The following RFX3 variants were observed in gnomAD, a reference collection of about 807,000 sequenced individuals.
The protein encoded by RFX3 is regulatory factor X3, also known as transcription factor RFX3.
A neutral mutation model predicts 98.6 loss-of-function variants in RFX3; 14 were observed. That is an observed-to-expected ratio of 0.14 (90% CI 0.09 to 0.22). The LOEUF (loss-of-function observed/expected upper bound fraction) is 0.22. Among genes scored for constraint, RFX3 ranks in the 10% least tolerant of loss-of-function variants. RFX3 has a pLI of 1.00. For missense variants in RFX3, 639 were observed against 926.9 expected, an observed-to-expected ratio of 0.69 and a Z score of 4.03; for synonymous variants, 383 against 328.4, an observed-to-expected ratio of 1.17 and a Z score of -1.80.
chr9:3,335,112 C>G (rs1302121784), intron 3 of RFX3, among the ~76,000 whole-genome samples: 1 of 151,764 alleles, frequency 6.6e-6, no homozygotes, highest in African/African-American at 2.4e-5. Context: ...GAGCGAAACT[C>G]CATCTCAAAA....
chr9:3,486,217 G>T (rs1457714614), intron 1 of RFX3, among the ~76,000 whole-genome samples: 1 of 151,528 alleles, frequency 6.6e-6, no homozygotes, highest in Non-Finnish European at 1.5e-5. Context: ...TTTTTGTGGG[G>T]TATGACCTAC....
intron 4 of RFX3, among the ~76,000 whole-genome samples, chr9:3,307,975 A>C (rs1829526358): frequency 1.3e-5 from 2 of 152,198 alleles, no homozygotes; most frequent in Non-Finnish European, 2.9e-5. Flanking sequence ...TTTAAGATTA[A>C]AAAGTTCATT....
At chr9:3,437,836 T>C (rs76817186) in intron 1 of RFX3, among the ~76,000 whole-genome samples, 2,369 of 152,136 alleles carry the variant, frequency 0.016, 64 homozygotes, top group African/African-American at 0.053. Context: ...TCAGATGGCA[T>C]ATTAAATATA....
chr9:3,399,801 T>C (rs1841295847), intron 1 of RFX3, among the ~76,000 whole-genome samples: 2 of 150,862 alleles, frequency 1.3e-5, no homozygotes, highest in East Asian at 4.0e-4. Context: ...ATACAAAAAT[T>C]AGCCAGGCAT....
chr9:3,358,928 G>C (rs1014976995), intron 2 of RFX3, among the ~76,000 whole-genome samples: 1 of 151,968 alleles, frequency 6.6e-6, no homozygotes, highest in Non-Finnish European at 1.5e-5. Context: ...CATGGGAACA[G>C]CATGGGGGAA....
At chr9:3,503,945 T>C (rs916999855) in intron 1 of RFX3, among the ~76,000 whole-genome samples, 2 of 151,632 alleles carry the variant, frequency 1.3e-5, no homozygotes, top group African/African-American at 2.4e-5. Flanking sequence ...CCTATTATTG[T>C]AATTTTTACT....
At chr9:3,351,193 C>G (rs1390510779) in intron 2 of RFX3, among the ~76,000 whole-genome samples, 1 of 150,940 alleles carries the variant, frequency 6.6e-6, no homozygotes, top group African/African-American at 2.4e-5. Context: ...ATGTGTGAAG[C>G]GAGGGGTTTT....
At chr9:3,384,526 G>T (rs945197022) in intron 2 of RFX3, among the ~76,000 whole-genome samples, 13 of 152,148 alleles carry the variant, frequency 8.5e-5, no homozygotes, top group African/African-American at 2.4e-4. Context: ...CTACCTTGCA[G>T]GGTTGTTTTA....
chr9:3,465,370 A>C (rs1320549846), intron 1 of RFX3, among the ~76,000 whole-genome samples: 2 of 151,580 alleles, frequency 1.3e-5, no homozygotes, highest in Non-Finnish European at 2.9e-5. Flanking sequence ...AGCTCACCAC[A>C]ACCTCCACCT....
At chr9:3,467,222 G>A (rs1434492622) in intron 1 of RFX3, among the ~76,000 whole-genome samples, 4 of 141,730 alleles carry the variant, frequency 2.8e-5, no homozygotes, top group Non-Finnish European at 6.1e-5. Context: ...CATATATAAT[G>A]TATATATGTA....
intron 13 of RFX3, among the ~76,000 whole-genome samples, chr9:3,259,092 C>T (rs1822531260): frequency 6.6e-6 from 1 of 151,818 alleles, no homozygotes; most frequent in South Asian, 2.1e-4. Flanking sequence ...ATAACCAATC[C>T]CACATAGTTA....
At chr9:3,264,003 T>C (rs888725332) in intron 12 of RFX3, among the ~76,000 whole-genome samples, 3 of 151,394 alleles carry the variant, frequency 2.0e-5, no homozygotes, top group African/African-American at 7.3e-5. Context: ...CTCTCACCCC[T>C]TCATTCCTAG....
intron 1 of RFX3, among the ~76,000 whole-genome samples, chr9:3,488,378 C>T (rs1281367498): frequency 6.6e-6 from 1 of 152,102 alleles, no homozygotes; most frequent in Admixed American, 6.6e-5. Context: ...CGCTTTTCTG[C>T]AAATCCATAA....
chr9:3,402,536 GA>G (rs1284093943), intron 1 of RFX3, among the ~76,000 whole-genome samples: 1 of 151,970 alleles, frequency 6.6e-6, no homozygotes, highest in Non-Finnish European at 1.5e-5. Context: ...TTAGAAACCT[GA>G]TTCAACATAA....
chr9:3,372,638 C>T lies in RFX3; in HGVS notation c.117+22834G>A, dbSNP rs1837991333. Among the ~76,000 whole-genome samples, 4 of 151,534 alleles carry T rather than the reference C, an allele frequency of 2.6e-5. No homozygotes were observed. The South Asian group carries it at 6.3e-4, about 24-fold the overall frequency. On this transcript the variant is annotated intron_variant, in intron 2 of 16. Coordinates refer to ENST00000617270, the MANE Select transcript of RFX3 (RefSeq NM_001282116.2). ...TCTTGGCTCACTGCAACCTCTGCCC[C>T]CCAGGTTTGAGAGATTCTCCTGCCT...
intron 15 of RFX3, among the ~76,000 whole-genome samples, chr9:3,231,937 G>T (rs1295204745): frequency 2.0e-5 from 3 of 152,090 alleles, no homozygotes; most frequent in East Asian, 1.9e-4. Context: ...GGTGGCGGAG[G>T]CAGGAGAATC....
intron 1 of RFX3, among the ~76,000 whole-genome samples, chr9:3,516,850 G>A (rs1306692782): frequency 6.6e-6 from 1 of 152,134 alleles, no homozygotes; most frequent in African/African-American, 2.4e-5. Context: ...CACTTGTCTG[G>A]CACACACACA....
At chr9:3,229,087 T>G (rs1451662807) in intron 15 of RFX3, among the ~76,000 whole-genome samples, 198 bp from the exon 16 acceptor site, 1 of 152,242 alleles carries the variant, frequency 6.6e-6, no homozygotes, top group Non-Finnish European at 1.5e-5. Flanking sequence ...TGTCACAATT[T>G]AGCTGTCTTA....
At chr9:3,327,471 C>A (rs928345058) in intron 4 of RFX3, among the ~76,000 whole-genome samples, 1 of 151,968 alleles carries the variant, frequency 6.6e-6, no homozygotes, top group Non-Finnish European at 1.5e-5. Context: ...TAAACACTAG[C>A]AGAAGTATAT....
Sources: gnomAD v4.1 joint callset for allele counts (sites outside exome capture counted in the v4.1 genomes callset) on GRCh38, gnomAD v4.1.1 for gene constraint, MANE v1.5 for transcripts, NCBI Gene and HGNC (gene_info 2026-07-23, HGNC 2026-07-21) for gene names.